Variants in ZNF530 observed in about 807,000 individuals in gnomAD.
The protein encoded by ZNF530 is zinc finger protein 530.
A neutral mutation model predicts 2.8 loss-of-function variants in ZNF530; 5 were observed. The observed-to-expected ratio is 1.80, with a 90% CI of 0.94 to 3.78. The LOEUF (loss-of-function observed/expected upper bound fraction) is 3.78. Among genes scored for constraint, ZNF530 ranks in the 30% most tolerant of loss-of-function variants. The pLI, the probability that ZNF530 is intolerant of heterozygous loss-of-function variation, is 0.00. For synonymous variants in ZNF530, 229 were observed against 235.0 expected (o/e 0.97, Z 0.23); for missense variants, 619 against 673.3 (o/e 0.92, Z 0.89).
rs1599935706 is a variant in ZNF530 at position 57,606,349 on chromosome 19, C to T, written c.725C>T (p.Ser242Leu). ...RTHECSECGK[S>L]FSRKTHLTQH... Reference sequence around the variant, plus strand: ...CATGAATGTAGTGAATGTGGGAAATCATTTAGTCGCAAAACTCACCTAACT... The same window carrying T: ...CATGAATGTAGTGAATGTGGGAAATTATTTAGTCGCAAAACTCACCTAACT... Residue 242 changes from serine to leucine, a missense_variant, in exon 4 of 4, where the codon TCA becomes TTA. By Grantham distance (145) the Ser-to-Leu change is moderately radical. Transcript: ENST00000597700. The T allele has an allele frequency of 6.2e-7, 1 of 1,613,986 alleles. No homozygotes were observed. Among genetic ancestry groups the T allele is most frequent in the African/African-American group, 1.3e-5 (1 of 74,922 alleles).
Position 57,606,927 on chromosome 19 carries a change from TG to T in ZNF530, c.1304del (p.Cys435LeufsTer124). 1 of 1,613,962 alleles carries T rather than the reference TG, an allele frequency of 6.2e-7. No homozygotes were observed. On this transcript the variant is annotated frameshift_variant, in exon 4 of 4. Coordinates refer to ENST00000597700, the MANE Select transcript of ZNF530 (RefSeq NM_001321981.2). LOFTEE classifies it low-confidence loss of function (END_TRUNC). Reference sequence around the variant, plus strand: ...AACAAAGCCTTATGAGTGCAGTGAATGTGAAAAATCATTTAGTTGCAAAACT... The same window carrying T: ...AACAAAGCCTTATGAGTGCAGTGAATTGAAAAATCATTTAGTTGCAAAACT... ...TKTKPYECSE[C>X]EKSFSCKTDL...
chr19:57,609,840 C>T lies in ZNF530; in HGVS notation c.*2515C>T, dbSNP rs908415848. 3.3e-5 allele frequency among the ~76,000 whole-genome samples: 5 copies of T among 151,832 alleles called. No individual in the cohort carries two copies. Among genetic ancestry groups the T allele is most frequent in the African/African-American group, 9.7e-5 (4 of 41,340 alleles). ...AAAAAGGATGAAGTCAAGAGAGATT[C>T]GGTTGTCCTTGGTGCGGCTTTTGTG... On this transcript the variant is annotated 3_prime_UTR_variant, in exon 4 of 4. Transcript: ENST00000597700.
chr19:57,611,116 A>G (rs1980859003), downstream of ZNF530, among the ~76,000 whole-genome samples: 1 of 152,144 alleles, frequency 6.6e-6, no homozygotes, highest in Non-Finnish European at 1.5e-5. Context: ...TCCCTGCACT[A>G]AATCATCCCA....
chr19:57,601,422 T>G (rs1307755145), intron 2 of ZNF530, among the ~76,000 whole-genome samples: 1 of 152,222 alleles, frequency 6.6e-6, no homozygotes, highest in Non-Finnish European at 1.5e-5. Context: ...TTTTTGAGTT[T>G]AGTAGCTGGA....
In ZNF530 at chr19:57,606,264, T is replaced by C; in HGVS notation, c.640T>C (p.Ser214Pro). ...TTACAAGTGCAGTGAATGTGGGAAA[T>C]CCTTTAGTCAAAGTTCTGGCTTTCT... ...RPYKCSECGKSFSQSSGFLRH... is the reference protein window; with the variant it reads ...RPYKCSECGKPFSQSSGFLRH... Residue 214 changes from serine (S) to proline (P), a missense_variant, in exon 4 of 4, where the codon TCC becomes CCC. Transcript: ENST00000597700. 6.2e-7 allele frequency: 1 copy of C among 1,613,980 alleles called. No homozygotes were observed. Among genetic ancestry groups the C allele is most frequent in the South Asian group, 1.1e-5 (1 of 91,066 alleles).
chr19:57,612,536 C>T (rs904243853), downstream of ZNF530: 4 of 399,872 alleles, frequency 1.0e-5, no homozygotes, highest in Admixed American at 1.3e-4. Flanking sequence ...TGAAAAGAGG[C>T]CTGGCATGGT....
In ZNF530 at chr19:57,606,742, C is replaced by T. The variant is rs1303826023; in HGVS notation, c.1118C>T (p.Pro373Leu). 1 of 1,613,918 alleles carries T rather than the reference C, an allele frequency of 6.2e-7. No individual in the cohort carries two copies. The highest frequency in any genetic ancestry group is 1.7e-5 in the Admixed American group (1 of 59,990). Residue 373 changes from proline (P) to leucine (L), a missense_variant, in exon 4 of 4, where the codon CCT becomes CTT. Coordinates refer to ENST00000597700, the MANE Select transcript of ZNF530 (RefSeq NM_001321981.2). ...HHQRFHTGER[P>L]YVCSECGKSF... ...CAAAGATTTCACACTGGAGAAAGAC[C>T]TTATGTGTGCAGTGAATGTGGGAAA...
chr19:57,611,747 A>G (rs1283821346), downstream of ZNF530, among the ~76,000 whole-genome samples: 3 of 151,116 alleles, frequency 2.0e-5, no homozygotes, highest in African/African-American at 2.4e-5. Flanking sequence ...CCTTCACCCA[A>G]TGAGAGCTGG....
At chr19:57,604,546 C>A in intron 3 of ZNF530, 140 bp downstream of exon 3, 1 of 1,185,468 alleles carries the variant, frequency 8.4e-7, no homozygotes, top group Non-Finnish European at 1.2e-6. Flanking sequence ...TTCTGAGGGA[C>A]ATCGCCAAGC....
Position 57,607,010 on chromosome 19 carries a change from A to G in ZNF530, c.1386A>G (p.Val462=), listed in dbSNP as rs199559698. 13 of 1,614,008 alleles carry G rather than the reference A, an allele frequency of 8.1e-6. No homozygotes were observed. In the African/African-American group the frequency reaches 1.6e-4, roughly 20 times the overall value. ...GAGAAAGGCCTTATGAGTGCAGTGT[A>G]TGTGGGAAATCTTTTATCCGAAAAA... ...HTGERPYECS[V]CGKSFIRKTH... The change falls in exon 4 of 4, where the codon GTA becomes GTG. Residue 462 remains valine, a synonymous_variant. Transcript: ENST00000597700.
At chr19:57,605,648 A>G (rs199647158) in intron 3 of ZNF530, 38 bp from the exon 4 acceptor site, 1,799 of 1,544,978 alleles carry the variant, frequency 1.2e-3, no homozygotes, top group Non-Finnish European at 1.4e-3. Flanking sequence ...CTCACACCAT[A>G]GTAAATCTGT....
downstream of ZNF530, among the ~76,000 whole-genome samples, chr19:57,610,950 GTAT>G (rs1283817021): frequency 2.0e-5 from 3 of 151,898 alleles, no homozygotes; most frequent in African/African-American, 7.3e-5. Flanking sequence ...TCTGTTTTTT[GTAT>G]TATATGTCTT....
downstream of ZNF530, among the ~76,000 whole-genome samples, chr19:57,611,616 C>T (rs1040472677): frequency 2.0e-5 from 3 of 152,148 alleles, no homozygotes; most frequent in Admixed American, 1.3e-4. Flanking sequence ...TGCTCGAAAC[C>T]TTATCAGGGG....
chr19:57,606,040 A>G lies in ZNF530; in HGVS notation c.416A>G (p.Glu139Gly), dbSNP rs1407076458. Residue 139 changes from glutamate (E) to glycine (G), a missense_variant, in exon 4 of 4, where the codon GAA becomes GGA. By Grantham distance (98) the Glu-to-Gly change is moderately conservative. Coordinates refer to ENST00000597700, the MANE Select transcript of ZNF530 (RefSeq NM_001321981.2). Reference sequence around the variant, plus strand: ...TCAGGAAAACCCTTCACGTTTGGGGAAGTCGGGAGGGACTTTTCAGCCACC... The same window carrying G: ...TCAGGAAAACCCTTCACGTTTGGGGGAGTCGGGAGGGACTTTTCAGCCACC... Reference protein sequence around the residue: ...HVSGKPFTFGEVGRDFSATSG... With the variant: ...HVSGKPFTFGGVGRDFSATSG... The G allele has an allele frequency of 6.2e-7, 1 of 1,614,182 alleles. No individual in the cohort carries two copies. The highest frequency in any genetic ancestry group is 2.2e-5 in the East Asian group (1 of 44,880).
At chr19:57,605,597 T>C (rs1020011362) in intron 3 of ZNF530, 89 bp from the exon 4 acceptor site, 2 of 1,355,556 alleles carry the variant, frequency 1.5e-6, no homozygotes, top group African/African-American at 1.5e-5. Context: ...TAAAAACATT[T>C]TCTTAGACTC....
In ZNF530 at chr19:57,606,364, C is replaced by T. The variant is rs750047699; in HGVS notation, c.740C>T (p.Thr247Ile). Residue 247 changes from threonine to isoleucine, a missense_variant, in exon 4 of 4, where the codon ACT becomes ATT. By Grantham distance (89) the Thr-to-Ile change is moderately conservative (BLOSUM62 -1). Coordinates refer to ENST00000597700, the MANE Select transcript of ZNF530 (RefSeq NM_001321981.2). ...TGTGGGAAATCATTTAGTCGCAAAA[C>T]TCACCTAACTCAACACCAAAGAGTT... ...SECGKSFSRK[T>I]HLTQHQRVHT... The T allele has an allele frequency of 1.2e-6, 2 of 1,614,082 alleles. No homozygotes were observed. Among genetic ancestry groups the T allele is most frequent in the East Asian group, 4.5e-5 (2 of 44,904 alleles).
At chr19:57,610,152 A>G (rs570372357), downstream of ZNF530, among the ~76,000 whole-genome samples, 98 of 152,352 alleles carry the variant, frequency 6.4e-4, no homozygotes, top group African/African-American at 2.3e-3. Context: ...TGTTGTAATC[A>G]TAAGAATGAG....
rs766326606 is a variant in ZNF530 at position 57,607,174 on chromosome 19, G to C, written c.1550G>C (p.Arg517Thr). 6.2e-7 allele frequency: 1 copy of C among 1,613,906 alleles called. No individual in the cohort carries two copies. Among genetic ancestry groups the C allele is most frequent in the Non-Finnish European group, 8.5e-7 (1 of 1,180,020 alleles). The change falls in exon 4 of 4, where the codon AGA becomes ACA. Residue 517 changes from arginine to threonine, a missense_variant. Transcript: ENST00000597700. ...VHTGERPYEC[R>T]ECGKSFTRKN... ...ACTGGAGAAAGGCCTTATGAGTGCAGAGAATGTGGGAAATCTTTTACCCGC... is the reference window on the plus strand; with the variant it reads ...ACTGGAGAAAGGCCTTATGAGTGCACAGAATGTGGGAAATCTTTTACCCGC...
At chr19:57,610,633 TC>T (rs1980842341), downstream of ZNF530, among the ~76,000 whole-genome samples, 1 of 152,118 alleles carries the variant, frequency 6.6e-6, no homozygotes, top group Admixed American at 6.5e-5. Context: ...TGTCCCATGT[TC>T]CCCAACACTG....
Sources: allele counts gnomAD v4.1 joint callset (sites outside exome capture counted in the v4.1 genomes callset), GRCh38; gene constraint gnomAD v4.1.1; transcripts MANE v1.5; gene names NCBI Gene and HGNC (gene_info 2026-07-23, HGNC 2026-07-21).